Variants in CDH20 observed in about 807,000 individuals in gnomAD.
CDH20 encodes cadherin 20, also known as cadherin-20.
In CDH20, 29 loss-of-function variants were observed where a neutral mutation model predicts 74.2. The observed-to-expected ratio is 0.39, with a 90% CI of 0.29 to 0.53. CDH20 has a LOEUF of 0.53. Among genes scored for constraint, CDH20 ranks in the 20% least tolerant of loss-of-function variants. The pLI is 0.69. For missense variants in CDH20, 988 were observed against 1,048.3 expected (o/e 0.94, Z 0.79); for synonymous variants, 469 against 405.4 (o/e 1.16, Z -1.88).
In CDH20 at chr18:61,538,601, TGTTTTTGTTTTTGTTTTTGTTTTG is replaced by T. The variant is rs1568182112; in HGVS notation, c.1409-422_1409-399del. On this transcript the variant is annotated intron_variant, in intron 8 of 11. Coordinates refer to ENST00000262717, the MANE Select transcript of CDH20 (RefSeq NM_031891.4). ...TACTTTTTGTTTGTTTGTTTGTTTT[TGTTTTTGTTTTTGTTTTTGTTTTG>T]TTTTTTTTTTTGAGACGGAGTCTTA... 1.4e-3 allele frequency among the ~76,000 whole-genome samples: 52 copies of T among 35,952 alleles called. 16 individuals carry two copies. Among genetic ancestry groups the T allele is most frequent in the Non-Finnish European group, 2.6e-4 (4 of 15,128 alleles). 23.6% of individuals were successfully genotyped at this position (35,952 alleles called of 152,430 possible).
intron 1 of CDH20, among the ~76,000 whole-genome samples, chr18:61,357,604 G>A (rs1027913433): frequency 6.6e-5 from 10 of 152,174 alleles, no homozygotes; most frequent in African/African-American, 2.4e-4. Flanking sequence ...ACAGCAAAAG[G>A]TGAAAGTATT....
chr18:61,349,698 G>C (rs1344412845), intron 1 of CDH20, among the ~76,000 whole-genome samples: 1 of 150,694 alleles, frequency 6.6e-6, no homozygotes, highest in Non-Finnish European at 1.5e-5. Flanking sequence ...TCCAAATGCA[G>C]CAACATCCTA....
intron 10 of CDH20, 94 bp from the exon 11 acceptor site, chr18:61,549,884 C>T: frequency 7.5e-7 from 1 of 1,330,918 alleles, no homozygotes; most frequent in Non-Finnish European, 1.0e-6. Context: ...ATCCTCTTTC[C>T]TTCCTACACC....
rs534922489 is a variant in CDH20, at chr18:61,520,915, G to A, written c.1018-7052G>A. Among the ~76,000 whole-genome samples, 38 of 151,012 alleles carry A rather than the reference G, an allele frequency of 2.5e-4. 2 individuals are homozygous for A. Among genetic ancestry groups the A allele is most frequent in the Admixed American group, 3.3e-4 (5 of 15,196 alleles). On this transcript the variant is annotated intron_variant, in intron 6 of 11. Transcript: ENST00000262717. ...AACATACCAGAATCTCTGGGACACC[G>A]CTAAAGCAGTGTTTACAGGGAAATT...
chr18:61,509,031 G>A (rs1403297895), intron 6 of CDH20, among the ~76,000 whole-genome samples: 2 of 152,130 alleles, frequency 1.3e-5, no homozygotes, highest in Non-Finnish European at 2.9e-5. Context: ...CTTTGAGGGC[G>A]TAAAGGCATA....
chr18:61,371,290 T>C (rs1370629553), intron 1 of CDH20, among the ~76,000 whole-genome samples: 1 of 152,118 alleles, frequency 6.6e-6, no homozygotes, highest in Non-Finnish European at 1.5e-5. Context: ...GCTGGTTGAC[T>C]TGTTTTTGGT....
intron 5 of CDH20, among the ~76,000 whole-genome samples, chr18:61,506,576 C>T (rs201975668): frequency 2.6e-5 from 4 of 152,062 alleles, no homozygotes; most frequent in Admixed American, 6.6e-5. Flanking sequence ...TAACAAAAAA[C>T]GTCAAAAAGT....
intron 11 of CDH20, among the ~76,000 whole-genome samples, chr18:61,551,953 G>C (rs994747156): frequency 6.6e-6 from 1 of 152,130 alleles, no homozygotes; most frequent in Non-Finnish European, 1.5e-5. Flanking sequence ...TCCCACCCAC[G>C]ATGATGTCTT....
chr18:61,391,420 A>G (rs1014785671), intron 1 of CDH20, among the ~76,000 whole-genome samples: 11 of 152,190 alleles, frequency 7.2e-5, no homozygotes, highest in African/African-American at 1.9e-4. Context: ...TAAAATATCC[A>G]TTAAGAGAAC....
At chr18:61,437,283 A>G (rs1311545970) in intron 1 of CDH20, among the ~76,000 whole-genome samples, 1 of 152,182 alleles carries the variant, frequency 6.6e-6, no homozygotes, top group Non-Finnish European at 1.5e-5. Context: ...AGAAGGGTTC[A>G]TGTCCACAGT....
chr18:61,511,604 A>C (rs770480059), intron 6 of CDH20, among the ~76,000 whole-genome samples: 14 of 152,346 alleles, frequency 9.2e-5, no homozygotes, highest in Non-Finnish European at 2.1e-4. Flanking sequence ...AGATAATTCT[A>C]AATAATAAAA....
Position 61,555,387 on chromosome 18 carries a change from A to G in CDH20, c.*692A>G. The stretch of plus-strand genomic sequence containing the variant: ...AGCTCATCCAACGCCATCAAGTTAG[A>G]GTGCTCGTGTCTCCTCTCAGCTATT... On this transcript the variant is annotated 3_prime_UTR_variant, in exon 12 of 12. Coordinates refer to ENST00000262717, the MANE Select transcript of CDH20 (RefSeq NM_031891.4). The G allele has an allele frequency of 1.0e-6, 1 of 985,502 alleles. No individual in the cohort carries two copies. The highest frequency in any genetic ancestry group is 1.2e-6 in the Non-Finnish European group (1 of 829,972). The allele number at this position is 985,502 out of a possible 1,614,324, so 61.0% of individuals were successfully genotyped here. A position where few individuals can be genotyped will look rare whatever the true frequency, so the allele number is the denominator to read the frequency against.
Position 61,527,964 on chromosome 18 carries a change from C to T in CDH20, c.1018-3C>T. On this transcript the variant is annotated splice_polypyrimidine_tract_variant and splice_region_variant and intron_variant, in intron 6 of 11. Transcript: ENST00000262717. ...AATCAATTTTCCTGTCATTGCTTTT[C>T]AGCCCCTGAGTTTTGAAAGCAAGAA... is the stretch of plus-strand genomic sequence containing the variant. The T allele has an allele frequency of 6.2e-7, 1 of 1,613,782 alleles. No homozygotes were observed. Among genetic ancestry groups the T allele is most frequent in the Non-Finnish European group, 8.5e-7 (1 of 1,179,792 alleles).
At chr18:61,545,376 A>G (rs919135489) in intron 10 of CDH20, among the ~76,000 whole-genome samples, 6 of 150,968 alleles carry the variant, frequency 4.0e-5, no homozygotes, top group African/African-American at 1.5e-4. Flanking sequence ...CCAAAGTGCT[A>G]GTATTACAGA....
chr18:61,476,399 C>T (rs561234272), intron 1 of CDH20, among the ~76,000 whole-genome samples: 1 of 152,274 alleles, frequency 6.6e-6, no homozygotes, highest in African/African-American at 2.4e-5. Context: ...TGATTGCAAA[C>T]ACATGAAAAA....
At chr18:61,455,294 TAGTG>T (rs766454868) in intron 1 of CDH20, among the ~76,000 whole-genome samples, 37 of 152,248 alleles carry the variant, frequency 2.4e-4, no homozygotes, top group Non-Finnish European at 4.1e-4. Flanking sequence ...AAACAGATAT[TAGTG>T]AGAAAATTGG....
chr18:61,541,731 C>A (rs1913046393), intron 9 of CDH20, among the ~76,000 whole-genome samples: 1 of 152,210 alleles, frequency 6.6e-6, no homozygotes, highest in South Asian at 2.1e-4. Flanking sequence ...CTTGTGTTTA[C>A]TTGTTGGATA....
intron 1 of CDH20, among the ~76,000 whole-genome samples, chr18:61,453,171 C>G (rs1041484696): frequency 1.3e-5 from 2 of 152,184 alleles, no homozygotes; most frequent in Non-Finnish European, 2.9e-5. Flanking sequence ...CCCACCTCCA[C>G]TCACTCCTTA....
chr18:61,376,675 T>A (rs1911243911), intron 1 of CDH20, among the ~76,000 whole-genome samples: 1 of 152,170 alleles, frequency 6.6e-6, no homozygotes, highest in African/African-American at 2.4e-5. Context: ...GGATTATTGA[T>A]GAGAAAAGGT....
Sources: allele counts gnomAD v4.1 joint callset (sites outside exome capture counted in the v4.1 genomes callset), GRCh38; gene constraint gnomAD v4.1.1; transcripts MANE v1.5; gene names NCBI Gene and HGNC (gene_info 2026-07-23, HGNC 2026-07-21).